PCDHA5: variants seen among roughly 807,000 people sequenced by gnomAD.
PCDHA5 encodes the protein protocadherin alpha 5, also known as protocadherin alpha-5.
Under a neutral mutation model 61.6 loss-of-function variants are expected in PCDHA5, and 43 were observed. That is an observed-to-expected ratio of 0.70 (90% CI 0.55 to 0.90). The LOEUF is 0.90. Ranked by LOEUF, PCDHA5 falls within the 40% of genes least tolerant of loss-of-function variation. The probability of loss-of-function intolerance (pLI) is 0.00; values close to 1 mark genes in which losing one functional copy is unlikely to be tolerated. For missense variants in PCDHA5, 1,298 were observed against 1,222.7 expected, an observed-to-expected ratio of 1.06 and a Z score of -0.92; for synonymous variants, 627 against 543.9, an observed-to-expected ratio of 1.15 and a Z score of -2.13.
At chr5:140,870,482 C>T in intron 1 of PCDHA5, 1 of 1,614,244 alleles carries the variant, frequency 6.2e-7, no homozygotes, top group South Asian at 1.1e-5. Flanking sequence ...CCCGAGTACA[C>T]CGTGTTCGTG....
intron 3 of PCDHA5, among the ~76,000 whole-genome samples, chr5:141,004,953 G>A (rs1409171628): frequency 7.2e-5 from 11 of 152,166 alleles, no homozygotes; most frequent in African/African-American, 2.4e-4. Context: ...ACCCTCTCTC[G>A]TCACTGCCTG....
intron 1 of PCDHA5, among the ~76,000 whole-genome samples, chr5:140,969,721 C>A (rs1399042401): frequency 6.6e-5 from 10 of 152,126 alleles, no homozygotes; most frequent in African/African-American, 2.2e-4. Context: ...GGAAATTTTT[C>A]TTTTGAAATC....
At chr5:140,877,942 C>G (rs1274042326) in intron 1 of PCDHA5, 1 of 1,367,756 alleles carries the variant, frequency 7.3e-7, no homozygotes, top group African/African-American at 1.5e-5. Context: ...ATCCTTTAAA[C>G]TATCGAATGT....
chr5:140,982,014 C>A (rs546904836), intron 2 of PCDHA5, among the ~76,000 whole-genome samples: 1 of 152,152 alleles, frequency 6.6e-6, no homozygotes, highest in Admixed American at 6.5e-5. Context: ...AATTAGATAG[C>A]CAAATTGGAA....
At chr5:140,894,141 C>G (rs552932940) in intron 1 of PCDHA5, among the ~76,000 whole-genome samples, 169 of 152,150 alleles carry the variant, frequency 1.1e-3, no homozygotes, top group African/African-American at 3.9e-3. Context: ...AAATAATTCC[C>G]TTCTATGTAA....
At chr5:140,879,257 G>A (rs782639090) in intron 1 of PCDHA5, among the ~76,000 whole-genome samples, 3 of 152,202 alleles carry the variant, frequency 2.0e-5, no homozygotes, top group Non-Finnish European at 4.4e-5. Flanking sequence ...AGTAGAAGCA[G>A]CCAGATAATG....
intron 1 of PCDHA5, among the ~76,000 whole-genome samples, chr5:140,958,025 A>G (rs920360369): frequency 1.3e-5 from 2 of 152,150 alleles, no homozygotes; most frequent in Non-Finnish European, 2.9e-5. Flanking sequence ...CAAGTATACT[A>G]TGCTTTCTTT....
At position 140,941,206 on chromosome 5, in the gene PCDHA5, TCTTTCTTC is replaced by T. The variant is rs1268159199; in HGVS notation, c.2353-37735_2353-37728del. Among the ~76,000 whole-genome samples the T allele has an allele frequency of 1.2e-3, 117 of 95,670 alleles. 1 individual carries two copies. The highest frequency in any genetic ancestry group is 8.3e-3 in the South Asian group (27 of 3,240). The allele number at this position is 95,670 out of a possible 152,430, so 62.8% of individuals were successfully genotyped here. A position where few individuals can be genotyped will look rare whatever the true frequency, so the allele number is the denominator to read the frequency against. On this transcript the variant is annotated intron_variant, in intron 1 of 3. Coordinates refer to ENST00000529859, the MANE Select transcript of PCDHA5 (RefSeq NM_018908.3). ...GCTTCTTTTTTTTTCTTTCTTCCTTTCTTTCTTCCTTTCTTTCTTTCTTTCTTTCTTTC... is the reference window on the plus strand; with the variant it reads ...GCTTCTTTTTTTTTCTTTCTTCCTTTCTTTCTTTCTTTCTTTCTTTCTTTC...
At chr5:140,927,592 G>A in intron 1 of PCDHA5, 5 of 1,614,170 alleles carry the variant, frequency 3.1e-6, no homozygotes, top group Non-Finnish European at 4.2e-6. Context: ...GCCTGTATTT[G>A]AGCGCTCCGT....
At chr5:141,007,688 C>A (rs1554261446) in intron 3 of PCDHA5, among the ~76,000 whole-genome samples, 1 of 152,170 alleles carries the variant, frequency 6.6e-6, no homozygotes, top group Admixed American at 6.5e-5. Flanking sequence ...ATCCTACTTC[C>A]ACCTCCCTCC....
chr5:140,924,900 A>T (rs622703), intron 1 of PCDHA5, among the ~76,000 whole-genome samples: 5 of 63,248 alleles, frequency 7.9e-5, no homozygotes, highest in Admixed American at 1.7e-4. Flanking sequence ...GTCTCAAAAA[A>T]AAAAATAAAA....
At chr5:140,850,702 A>G in intron 1 of PCDHA5, 1 of 1,598,166 alleles carries the variant, frequency 6.3e-7, no homozygotes, top group Middle Eastern at 1.7e-4. Flanking sequence ...GCGCCTGGCA[A>G]GCCGACGCTG....
In PCDHA5 at chr5:141,011,697, T is replaced by A. The variant is rs1187125634; in HGVS notation, c.*1760T>A. ...TTTTGTTCTAGTAACAATTTTGGAATGAATACTGACAATATTCCATGAGGG... is the reference window on the plus strand; with the variant it reads ...TTTTGTTCTAGTAACAATTTTGGAAAGAATACTGACAATATTCCATGAGGG... On this transcript the variant is annotated 3_prime_UTR_variant, in exon 4 of 4. Transcript: ENST00000529859. 2 of 153,778 alleles carry A rather than the reference T, an allele frequency of 1.3e-5. No homozygotes were observed. Among genetic ancestry groups the A allele is most frequent in the Non-Finnish European group, 2.9e-5 (2 of 68,036 alleles). The allele number at this position is 153,778 out of a possible 1,614,324, so 9.5% of individuals were successfully genotyped here.
At chr5:140,963,693 A>G (rs782642148) in intron 1 of PCDHA5, among the ~76,000 whole-genome samples, 15 of 152,210 alleles carry the variant, frequency 9.9e-5, no homozygotes, top group Non-Finnish European at 2.2e-4. Context: ...TCCGTGTTTG[A>G]TATCTAAAGG....
At chr5:140,936,986 A>G (rs2091244455) in intron 1 of PCDHA5, among the ~76,000 whole-genome samples, 1 of 151,898 alleles carries the variant, frequency 6.6e-6, no homozygotes, top group Non-Finnish European at 1.5e-5. Context: ...GCTTGTTAAC[A>G]TTGACAATAT....
intron 1 of PCDHA5, among the ~76,000 whole-genome samples, chr5:140,900,299 GAC>G (rs1372785177): frequency 6.6e-6 from 1 of 151,604 alleles, no homozygotes; most frequent in Non-Finnish European, 1.5e-5. Flanking sequence ...TGTTTTTTTA[GAC>G]AGTCTCACTT....
chr5:140,841,782 T>C (rs1777485845), intron 1 of PCDHA5: 1 of 1,613,764 alleles, frequency 6.2e-7, no homozygotes, highest in Non-Finnish European at 8.5e-7. Context: ...CGGTTTCCGC[T>C]AGAGGGCGCG....
At chr5:140,876,630 C>T in intron 1 of PCDHA5, 2 of 1,614,226 alleles carry the variant, frequency 1.2e-6, no homozygotes, top group Non-Finnish European at 1.7e-6. Context: ...GACAGGTCAT[C>T]TGCTCACTGA....
chr5:140,830,075 A>ACC, intron 1 of PCDHA5: 1 of 1,613,594 alleles, frequency 6.2e-7, no homozygotes, highest in Non-Finnish European at 8.5e-7. Context: ...GCTGACAGCG[A>ACC]CGGCCACGGT....
Sources: gnomAD v4.1 joint callset for allele counts (sites outside exome capture counted in the v4.1 genomes callset) on GRCh38, gnomAD v4.1.1 for gene constraint, MANE v1.5 for transcripts, NCBI Gene and HGNC (gene_info 2026-07-23, HGNC 2026-07-21) for gene names.